CAST: variants seen among roughly 807,000 people sequenced by gnomAD.
The protein encoded by CAST is MIR583 host.
A neutral mutation model predicts 119.6 loss-of-function variants in CAST; 76 were observed. That is an observed-to-expected ratio of 0.64 (90% CI 0.53 to 0.77). The LOEUF (loss-of-function observed/expected upper bound fraction) is 0.77, where lower values mean the gene tolerates loss of function less well. Ranked by LOEUF, CAST falls within the 30% of genes least tolerant of loss-of-function variation. CAST has a pLI of 0.00. For synonymous variants in CAST, 319 were observed against 331.6 expected (o/e 0.96, Z 0.41); for missense variants, 953 against 946.5 (o/e 1.01, Z -0.09).
intron 7 of CAST, 64 bp downstream of exon 7, chr5:96,729,273 C>CT (rs1191343897): frequency 6.5e-6 from 6 of 920,348 alleles, no homozygotes; most frequent in Non-Finnish European, 1.0e-5. Context: ...TAATTAAAAT[C>CT]TTTCATTAAT....
At chr5:95,961,480 A>C in the CAST span, 3 of 1,331,042 alleles carry the variant, frequency 2.3e-6, no homozygotes, top group Non-Finnish European at 2.9e-6. Flanking sequence ...AGCAGCTGCC[A>C]GCCACGGCTC....
chr5:96,374,274 A>G, the CAST span, among the ~76,000 whole-genome samples: 1 of 152,172 alleles, frequency 6.6e-6, no homozygotes, highest in Non-Finnish European at 1.5e-5. Flanking sequence ...TGGTAATATG[A>G]CAAGTAGAAA....
intron 1 of CAST, among the ~76,000 whole-genome samples, chr5:96,604,138 C>T (rs1237449146): frequency 6.6e-6 from 1 of 152,122 alleles, no homozygotes; most frequent in Non-Finnish European, 1.5e-5. Flanking sequence ...ATGCATTGTG[C>T]TACAATATCA....
the CAST span, among the ~76,000 whole-genome samples, chr5:96,040,772 GC>G: frequency 6.6e-6 from 1 of 152,144 alleles, no homozygotes; most frequent in African/African-American, 2.4e-5. Flanking sequence ...AATTCGGTTT[GC>G]CAGTATTTTA....
At chr5:96,249,766 G>T in the CAST span, among the ~76,000 whole-genome samples, 1 of 152,158 alleles carries the variant, frequency 6.6e-6, no homozygotes, top group Non-Finnish European at 1.5e-5. Context: ...TAGGCATTAG[G>T]AACTCATAGA....
chr5:96,206,050 G>T, the CAST span, among the ~76,000 whole-genome samples: 40 of 151,790 alleles, frequency 2.6e-4, no homozygotes, highest in Non-Finnish European at 5.9e-5. Flanking sequence ...GTTTTAATTT[G>T]CATTTTTCTA....
the CAST span, among the ~76,000 whole-genome samples, chr5:96,062,466 C>T: frequency 6.6e-6 from 1 of 152,154 alleles, no homozygotes; most frequent in South Asian, 2.1e-4. Context: ...CTTTTGAAGC[C>T]CATGTGAAGA....
the CAST span, among the ~76,000 whole-genome samples, chr5:96,357,216 G>A: frequency 0.012 from 1,859 of 152,210 alleles, 17 homozygotes; most frequent in Non-Finnish European, 0.019. Flanking sequence ...GCTTATCAGC[G>A]TAAGGAGATT....
chr5:96,616,753 T>TATACACACACACAC (rs1167637550), intron 1 of CAST, among the ~76,000 whole-genome samples: 1 of 130,738 alleles, frequency 7.6e-6, no homozygotes, highest in Non-Finnish European at 1.7e-5. Flanking sequence ...TCTATATATA[T>TATACACACACACAC]ACACACACAC....
the CAST span, among the ~76,000 whole-genome samples, chr5:96,062,061 A>G: frequency 1.3e-5 from 2 of 152,132 alleles, no homozygotes; most frequent in Admixed American, 1.3e-4. Flanking sequence ...ATCCGCATGT[A>G]TTCTGGATGT....
the CAST span, among the ~76,000 whole-genome samples, chr5:96,006,014 A>C: frequency 6.6e-6 from 1 of 152,188 alleles, no homozygotes; most frequent in African/African-American, 2.4e-5. Context: ...TGAGTTATTC[A>C]GTATTACCAA....
At chr5:96,353,367 T>A in the CAST span, among the ~76,000 whole-genome samples, 1 of 152,198 alleles carries the variant, frequency 6.6e-6, no homozygotes, top group Non-Finnish European at 1.5e-5. Flanking sequence ...CAAACTTATA[T>A]GACCTAACTG....
rs1561408818 is a variant in CAST at position 96,534,737 on chromosome 5, G to GAGAGAGAGAGAAAGAGAA, written c.60+4862_60+4863insGAGAGAAAGAGAAAGAGA. On this transcript the variant is annotated intron_variant, in intron 1 of 11. Coordinates refer to the CAST transcript ENST00000505143. Reference sequence around the variant, plus strand: ...AAGGAGAGAGAGAGAGAGAGAGAGAGAGAGAAAGAAAGAAAGAAAGAAAGA... The same window carrying GAGAGAGAGAGAAAGAGAA: ...AAGGAGAGAGAGAGAGAGAGAGAGAGAGAGAGAGAGAAAGAGAAAGAGAAAGAAAGAAAGAAAGAAAGA... 1.3e-3 allele frequency among the ~76,000 whole-genome samples: 18 copies of GAGAGAGAGAGAAAGAGAA among 14,230 alleles called. 3 individuals carry two copies. Among genetic ancestry groups the GAGAGAGAGAGAAAGAGAA allele is most frequent in the South Asian group, 3.9e-3 (1 of 254 alleles). 9.3% of individuals were successfully genotyped at this position (14,230 alleles called of 152,430 possible).
chr5:96,214,037 G>C, the CAST span, among the ~76,000 whole-genome samples: 3 of 151,944 alleles, frequency 2.0e-5, no homozygotes, highest in Non-Finnish European at 4.4e-5. Context: ...TTTTTGTATT[G>C]GTACATATAG....
the CAST span, among the ~76,000 whole-genome samples, chr5:96,035,069 GTATA>G: frequency 0.037 from 4,909 of 131,276 alleles, 227 homozygotes; most frequent in African/African-American, 0.11. Context: ...ATATATTTAA[GTATA>G]TATATATATA....
At chr5:96,400,528 A>C in the CAST span, among the ~76,000 whole-genome samples, 1 of 152,070 alleles carries the variant, frequency 6.6e-6, no homozygotes, top group Non-Finnish European at 1.5e-5. Flanking sequence ...AAATGGTAAC[A>C]CTTTCTTTAT....
chr5:96,362,545 A>G, the CAST span, among the ~76,000 whole-genome samples: 4 of 152,278 alleles, frequency 2.6e-5, no homozygotes, highest in Non-Finnish European at 5.9e-5. Context: ...GTGAGATGGT[A>G]TCTCATTGTG....
At chr5:96,716,824 C>T (rs1251614506) in intron 3 of CAST, among the ~76,000 whole-genome samples, 1 of 152,094 alleles carries the variant, frequency 6.6e-6, no homozygotes, top group African/African-American at 2.4e-5. Context: ...CTAAATTGCT[C>T]TAACATTTGG....
chr5:96,425,842 A>T, the CAST span: 35 of 1,597,526 alleles, frequency 2.2e-5, no homozygotes, highest in Non-Finnish European at 2.7e-5. Flanking sequence ...CTGATTCCAC[A>T]TGGGATCATT....
Sources: gnomAD v4.1 joint callset for allele counts (sites outside exome capture counted in the v4.1 genomes callset) on GRCh38, gnomAD v4.1.1 for gene constraint, MANE v1.5 for transcripts, NCBI Gene and HGNC (gene_info 2026-07-23, HGNC 2026-07-21) for gene names.